Variants in PSMC6 observed in about 807,000 individuals in gnomAD.
PSMC6 encodes 26S proteasome regulatory subunit 10B.
A neutral mutation model predicts 55.9 loss-of-function variants in PSMC6; 3 were observed. The observed-to-expected ratio is 0.05, with a 90% confidence interval of 0.02 to 0.14. PSMC6 has a LOEUF of 0.14. Ranked by LOEUF, PSMC6 falls within the 10% of genes least tolerant of loss-of-function variation. The probability of loss-of-function intolerance (pLI) is 1.00; values close to 1 mark genes in which losing one functional copy is unlikely to be tolerated. For synonymous variants in PSMC6, 137 were observed against 155.9 expected (o/e 0.88, Z 0.90); for missense variants, 210 against 478.7 (o/e 0.44, Z 5.24).
At chr14:52,711,387 A>T (rs1170271503) in intron 5 of PSMC6, 23 bp from the exon 6 acceptor site, 3 of 1,560,774 alleles carry the variant, frequency 1.9e-6, no homozygotes, top group Non-Finnish European at 2.6e-6. Flanking sequence ...TTCAAAAGAA[A>T]AATACATACC....
intron 13 of PSMC6, among the ~76,000 whole-genome samples, chr14:52,725,269 C>T (rs1030090916): frequency 2.0e-5 from 3 of 152,146 alleles, no homozygotes; most frequent in South Asian, 2.1e-4. Context: ...TCAAAATATA[C>T]GCTTTTTTTC....
rs186172977 is a variant in PSMC6 at position 52,720,953 on chromosome 14, G to A, written c.870G>A (p.Leu290=). The A allele has an allele frequency of 1.2e-6, 2 of 1,613,596 alleles. No homozygotes were observed. The highest frequency in any genetic ancestry group is 1.7e-5 in the Admixed American group (1 of 60,008). Residue 290 remains leucine, a synonymous_variant, in exon 11 of 14, where the codon CTG becomes CTA. Coordinates refer to ENST00000445930, the MANE Select transcript of PSMC6 (RefSeq NM_002806.5). ...CAGATACACTGGATCCTGCTTTGCT[G>A]CGTCCAGGAAGATTAGATAGAAAAA... ...NRPDTLDPAL[L]RPGRLDRKIH...
intron 7 of PSMC6, among the ~76,000 whole-genome samples, chr14:52,714,543 T>C (rs993707223): frequency 1.3e-5 from 2 of 152,168 alleles, no homozygotes; most frequent in Non-Finnish European, 2.9e-5. Context: ...TCATGGACTC[T>C]GTAAGGTCAA....
chr14:52,727,690 GTA>G lies in PSMC6; in HGVS notation c.*75_*76del. 1 of 974,392 alleles carries G rather than the reference GTA, an allele frequency of 1.0e-6. No homozygotes were observed. Among genetic ancestry groups the G allele is most frequent in the East Asian group, 2.5e-5 (1 of 40,712 alleles). 60.4% of individuals were successfully genotyped at this position (974,392 alleles called of 1,614,324 possible). On this transcript the variant is annotated 3_prime_UTR_variant, in exon 14 of 14. Coordinates refer to ENST00000445930, the MANE Select transcript of PSMC6 (RefSeq NM_002806.5). ...TAAAAATAAAGTTAAAGAAAATAATGTATGTATTGGTAATGATGTCATTAAAA... is the reference window on the plus strand; with the variant it reads ...TAAAAATAAAGTTAAAGAAAATAATGTGTATTGGTAATGATGTCATTAAAA...
chr14:52,726,470 TACTC>T (rs1024012752), intron 13 of PSMC6, among the ~76,000 whole-genome samples: 1 of 152,216 alleles, frequency 6.6e-6, no homozygotes, highest in African/African-American at 2.4e-5. Context: ...CTATCAAACT[TACTC>T]AAGATTTTTT....
At position 52,727,953 on chromosome 14, in the gene PSMC6, C is replaced by G. The variant is rs943961530; in HGVS notation, c.*336C>G. 4 of 182,746 alleles carry G rather than the reference C, an allele frequency of 2.2e-5. No homozygotes were observed. Among genetic ancestry groups the G allele is most frequent in the Non-Finnish European group, 4.6e-5 (4 of 86,718 alleles). 11.3% of individuals were successfully genotyped at this position (182,746 alleles called of 1,614,324 possible). A position where few individuals can be genotyped will look rare whatever the true frequency, so the allele number is the denominator to read the frequency against. ...ATTTTGTATCATTTGTTTTCCTCAT[C>G]TAAAAAGTTGAATAAAATCTGTTTG... On this transcript the variant is annotated 3_prime_UTR_variant, in exon 14 of 14. Transcript: ENST00000445930.
intron 13 of PSMC6, among the ~76,000 whole-genome samples, chr14:52,725,528 T>C (rs977080409): frequency 7.2e-5 from 11 of 152,276 alleles, no homozygotes; most frequent in African/African-American, 2.6e-4. Context: ...TTATAATACA[T>C]CTCTATTTTA....
intron 10 of PSMC6, among the ~76,000 whole-genome samples, chr14:52,720,084 G>A (rs189919223): frequency 2.6e-5 from 4 of 152,014 alleles, no homozygotes; most frequent in Admixed American, 6.6e-5. Context: ...TTAGCTGGGC[G>A]TGGTGGCGTG....
chr14:52,710,567 A>G (rs1208576322), intron 4 of PSMC6: 3 of 164,838 alleles, frequency 1.8e-5, no homozygotes, highest in Non-Finnish European at 2.6e-5. Flanking sequence ...TAATGTGTTC[A>G]GCATGTGCCT....
At chr14:52,726,682 C>T (rs1594856161) in intron 13 of PSMC6, among the ~76,000 whole-genome samples, 1 of 152,152 alleles carries the variant, frequency 6.6e-6, no homozygotes, top group East Asian at 1.9e-4. Context: ...CACTCTGTCA[C>T]CCAGACTGGA....
chr14:52,713,026 G>A (rs1230611172), intron 6 of PSMC6, among the ~76,000 whole-genome samples: 1 of 152,096 alleles, frequency 6.6e-6, no homozygotes, highest in East Asian at 1.9e-4. Flanking sequence ...GAGGTCAGGA[G>A]TTCAAGACCA....
chr14:52,712,967 C>A (rs1434503372), intron 6 of PSMC6, among the ~76,000 whole-genome samples: 1 of 152,048 alleles, frequency 6.6e-6, no homozygotes, highest in Non-Finnish European at 1.5e-5. Context: ...CATGGTGGCT[C>A]ACGCCTGTAA....
chr14:52,721,125 A>G lies in PSMC6; in HGVS notation c.914A>G (p.Asn305Ser). The G allele has an allele frequency of 6.3e-7, 1 of 1,597,254 alleles. No homozygotes were observed. Among genetic ancestry groups the G allele is most frequent in the Non-Finnish European group, 8.5e-7 (1 of 1,174,846 alleles). Residue 305 changes from asparagine (N) to serine (S), a missense_variant, in exon 12 of 14, where the codon AAT becomes AGT. Coordinates refer to ENST00000445930, the MANE Select transcript of PSMC6 (RefSeq NM_002806.5). The part of the protein sequence containing the change: ...LDRKIHIDLP[N>S]EQARLDILKI... Reference sequence around the variant, plus strand: ...TTATTTTCAGATATTGATTTGCCAAATGAACAAGCAAGATTAGACATACTG... The same window carrying G: ...TTATTTTCAGATATTGATTTGCCAAGTGAACAAGCAAGATTAGACATACTG...
intron 7 of PSMC6, among the ~76,000 whole-genome samples, chr14:52,716,478 G>C (rs2041830954): frequency 1.3e-5 from 2 of 152,180 alleles, no homozygotes; most frequent in South Asian, 2.1e-4. Context: ...TGGTAGCCGG[G>C]TGCAGTGGCT....
intron 4 of PSMC6, among the ~76,000 whole-genome samples, chr14:52,709,375 C>G (rs536913796): frequency 6.6e-6 from 1 of 152,230 alleles, no homozygotes; most frequent in East Asian, 1.9e-4. Context: ...CTTTTAAATT[C>G]ATTGGAAGAG....
chr14:52,711,234 A>G (rs2041768812), intron 5 of PSMC6, 66 bp downstream of exon 5: 3 of 1,451,606 alleles, frequency 2.1e-6, no homozygotes, highest in East Asian at 2.3e-5. Context: ...TCTGAGATAT[A>G]TGCTTCTTGA....
chr14:52,724,571 T>G (rs1015340646), intron 13 of PSMC6, among the ~76,000 whole-genome samples: 4 of 152,250 alleles, frequency 2.6e-5, no homozygotes, highest in African/African-American at 9.6e-5. Context: ...CTAATACTAG[T>G]CTGTGAGCAG....
intron 13 of PSMC6, among the ~76,000 whole-genome samples, chr14:52,727,108 C>T (rs924051980): frequency 4.7e-5 from 7 of 149,984 alleles, no homozygotes; most frequent in Non-Finnish European, 3.0e-5. Context: ...GCAACCTCCG[C>T]CTCCTGGGTT....
chr14:52,720,367 C>CA (rs71444775), intron 10 of PSMC6, among the ~76,000 whole-genome samples: 1,478 of 41,414 alleles, frequency 0.036, 337 homozygotes, highest in Middle Eastern at 0.11. Context: ...AACTCTGTCT[C>CA]AAAAAAAAAA....
Sources: allele counts gnomAD v4.1 joint callset (sites outside exome capture counted in the v4.1 genomes callset), GRCh38; gene constraint gnomAD v4.1.1; transcripts MANE v1.5; gene names NCBI Gene and HGNC (gene_info 2026-07-23, HGNC 2026-07-21).